PTK2: variants seen among roughly 807,000 people sequenced by gnomAD.
PTK2 encodes protein tyrosine kinase 2, also known as focal adhesion kinase 1.
In PTK2, 45 loss-of-function variants were observed where a neutral mutation model predicts 150.1. That is an observed-to-expected ratio of 0.30 (90% confidence interval 0.24 to 0.38). PTK2 has a LOEUF of 0.38. Ranked by LOEUF, PTK2 falls within the 10% of genes least tolerant of loss-of-function variation. PTK2 has a pLI of 1.00. For missense variants in PTK2, 919 were observed against 1,307.3 expected, an observed-to-expected ratio of 0.70 and a Z score of 4.58; for synonymous variants, 432 against 449.2, an observed-to-expected ratio of 0.96 and a Z score of 0.48.
chr8:140,787,176 GA>G (rs1240917264), intron 14 of PTK2, among the ~76,000 whole-genome samples: 3 of 152,110 alleles, frequency 2.0e-5, no homozygotes, highest in Non-Finnish European at 2.9e-5. Flanking sequence ...CCTAGTTACG[GA>G]ATACCTAGGA....
intron 8 of PTK2, among the ~76,000 whole-genome samples, chr8:140,827,780 T>C (rs1435115474): frequency 6.6e-6 from 1 of 151,994 alleles, no homozygotes; most frequent in Non-Finnish European, 1.5e-5. Context: ...GGGTGTAGAG[T>C]GGAGACAGCA....
intron 1 of PTK2, among the ~76,000 whole-genome samples, chr8:140,992,870 A>G (rs1478855035): frequency 6.6e-6 from 1 of 152,260 alleles, no homozygotes; most frequent in African/African-American, 2.4e-5. Flanking sequence ...GGCACAGTGC[A>G]TAACTCACAC....
chr8:140,878,478 C>T (rs1399445625), intron 4 of PTK2, among the ~76,000 whole-genome samples: 1 of 152,000 alleles, frequency 6.6e-6, no homozygotes, highest in African/African-American at 2.4e-5. Flanking sequence ...TCTGTGCCTA[C>T]AGTCCCAGCT....
At chr8:140,927,975 A>AAATAT in intron 1 of PTK2, among the ~76,000 whole-genome samples, 42 of 48,178 alleles carry the variant, frequency 8.7e-4, no homozygotes, top group South Asian at 2.0e-3. Flanking sequence ...AAAAAAAAAA[A>AAATAT]ATATATATAT....
At chr8:140,786,633 C>T (rs868570162) in intron 14 of PTK2, among the ~76,000 whole-genome samples, 1 of 151,722 alleles carries the variant, frequency 6.6e-6, no homozygotes, top group Admixed American at 6.6e-5. Flanking sequence ...GAGGGAGGGC[C>T]GGCAGGCAAG....
At chr8:140,694,733 A>G (rs1019660014) in intron 26 of PTK2, among the ~76,000 whole-genome samples, 2 of 152,212 alleles carry the variant, frequency 1.3e-5, no homozygotes, top group African/African-American at 4.8e-5. Flanking sequence ...GGAAACCAAC[A>G]GTAATTTTTA....
At chr8:140,717,189 A>G (rs2100040164) in intron 23 of PTK2, among the ~76,000 whole-genome samples, 1 of 152,240 alleles carries the variant, frequency 6.6e-6, no homozygotes, top group Non-Finnish European at 1.5e-5. Context: ...AAACAAAGGA[A>G]TATGGTCAGG....
chr8:140,880,788 T>C (rs2100148678), intron 3 of PTK2, among the ~76,000 whole-genome samples: 1 of 152,152 alleles, frequency 6.6e-6, no homozygotes. Flanking sequence ...ATGTACCATA[T>C]ACAAAAACTG....
At chr8:140,737,824 A>T (rs1056926476) in intron 21 of PTK2, among the ~76,000 whole-genome samples, 12 of 152,370 alleles carry the variant, frequency 7.9e-5, no homozygotes, top group Non-Finnish European at 1.5e-4. Flanking sequence ...CTCTGAAAGG[A>T]TAAGTTACTT....
intron 22 of PTK2, among the ~76,000 whole-genome samples, chr8:140,726,543 T>C (rs1219440635): frequency 1.3e-5 from 2 of 152,062 alleles, no homozygotes; most frequent in African/African-American, 2.4e-5. Flanking sequence ...AAAGTAACAA[T>C]TGTATGGCCA....
At chr8:140,834,437 T>C (rs980303432) in intron 7 of PTK2, among the ~76,000 whole-genome samples, 1 of 152,210 alleles carries the variant, frequency 6.6e-6, no homozygotes, top group Non-Finnish European at 1.5e-5. Flanking sequence ...ACTGCTTGTA[T>C]ATACATAGCA....
intron 28 of PTK2, among the ~76,000 whole-genome samples, chr8:140,675,096 C>A (rs1464583784): frequency 1.3e-5 from 2 of 150,006 alleles, no homozygotes; most frequent in Non-Finnish European, 3.0e-5. Flanking sequence ...AGAAAGAAAC[C>A]ACTGCTAAAT....
intron 22 of PTK2, among the ~76,000 whole-genome samples, chr8:140,732,234 G>A (rs1479021387): frequency 6.6e-6 from 1 of 152,060 alleles, no homozygotes; most frequent in Admixed American, 6.6e-5. Flanking sequence ...TAAAATGGTG[G>A]CCTATTTGGT....
rs1429760237 is a variant in PTK2 at position 140,873,528 on chromosome 8, C to T, written c.362+5943G>A. ...TCGCCTAGGCTGGAGTGGAGTGGCA[C>T]GATCTCGGCTCACTGCAACCTCTAC... On this transcript the variant is annotated intron_variant, in intron 4 of 31. Transcript: ENST00000522684. Among the ~76,000 whole-genome samples the T allele has an allele frequency of 2.6e-5, 4 of 152,066 alleles. No individual in the cohort carries two copies. The East Asian group carries it at 5.8e-4, about 22-fold the overall frequency.
intron 1 of PTK2, among the ~76,000 whole-genome samples, chr8:140,934,908 G>A (rs906073406): frequency 2.0e-5 from 3 of 152,184 alleles, no homozygotes; most frequent in Non-Finnish European, 4.4e-5. Flanking sequence ...ATATCAAAAT[G>A]GAGTTAGAGA....
intron 1 of PTK2, among the ~76,000 whole-genome samples, chr8:140,958,085 A>C (rs748099547): frequency 6.6e-6 from 1 of 152,088 alleles, no homozygotes; most frequent in Non-Finnish European, 1.5e-5. Flanking sequence ...AAACTGTTAG[A>C]ACTATGATTT....
At position 140,761,328 on chromosome 8, in the gene PTK2, C is replaced by T. The variant is rs762406145; in HGVS notation, c.1235-66G>A. The T allele has an allele frequency of 8.8e-6, 11 of 1,248,774 alleles. No homozygotes were observed. The East Asian group carries it at 9.3e-5, about 11-fold the overall frequency. The allele number at this position is 1,248,774 out of a possible 1,614,324, so 77.4% of individuals were successfully genotyped here. Reference sequence around the variant, plus strand: ...TTCCAAATGTAGAAATAACACTTGACGTATTTCTTGATCATCCATAAGTAA... The same window carrying T: ...TTCCAAATGTAGAAATAACACTTGATGTATTTCTTGATCATCCATAAGTAA... On this transcript the variant is annotated intron_variant, in intron 15 of 31. Transcript: ENST00000522684.
rs1369884942 is a variant in PTK2, at chr8:140,664,680, AG to A, written c.2946+236del. 4.6e-5 allele frequency among the ~76,000 whole-genome samples: 7 copies of A among 152,194 alleles called. No homozygotes were observed. The East Asian group carries it at 1.3e-3, about 29-fold the overall frequency. On this transcript the variant is annotated intron_variant, in intron 31 of 31. Coordinates refer to ENST00000522684, the Ensembl canonical transcript of PTK2. ...AGTGGCTCTGCAGTGGACTAGCAGC[AG>A]GAAGACCCAGGATCTGGAATTTGAG...
At chr8:140,866,635 A>G (rs2100139472) in intron 4 of PTK2, among the ~76,000 whole-genome samples, 1 of 152,228 alleles carries the variant, frequency 6.6e-6, no homozygotes. Flanking sequence ...GGCATATCAT[A>G]ATAAATGGTT....
Sources: allele counts gnomAD v4.1 joint callset (sites outside exome capture counted in the v4.1 genomes callset), GRCh38; gene constraint gnomAD v4.1.1; transcripts MANE v1.5; gene names NCBI Gene and HGNC (gene_info 2026-07-23, HGNC 2026-07-21).